SPATS2L: variants seen among roughly 807,000 people sequenced by gnomAD.
The protein encoded by SPATS2L is SPATS2-like protein.
A neutral mutation model predicts 59.6 loss-of-function variants in SPATS2L; 30 were observed. The ratio of observed to expected loss-of-function variants is 0.50; its 90% CI spans 0.38 to 0.68. SPATS2L has a LOEUF of 0.68. Ranked by LOEUF, SPATS2L falls within the 30% of genes least tolerant of loss-of-function variation. SPATS2L has a pLI of 0.00. For missense variants in SPATS2L, 615 were observed against 700.0 expected, an observed-to-expected ratio of 0.88 and a Z score of 1.37; for synonymous variants, 252 against 263.5, an observed-to-expected ratio of 0.96 and a Z score of 0.42.
intron 9 of SPATS2L, among the ~76,000 whole-genome samples, chr2:200,462,148 C>G (rs2086284405): frequency 2.0e-5 from 3 of 152,298 alleles, no homozygotes; most frequent in South Asian, 4.2e-4. Context: ...TGCTAACAAC[C>G]AACACAGACA....
chr2:200,439,096 A>G, intron 6 of SPATS2L, 26 bp from the exon 7 acceptor site: 1 of 1,589,044 alleles, frequency 6.3e-7, no homozygotes, highest in Non-Finnish European at 8.6e-7. Context: ...ATCACTTCAC[A>G]GTCATTATTT....
chr2:200,326,290 T>A (rs954556115), intron 1 of SPATS2L, among the ~76,000 whole-genome samples: 1 of 152,168 alleles, frequency 6.6e-6, no homozygotes, highest in Non-Finnish European at 1.5e-5. Flanking sequence ...TTCACTTTTT[T>A]AAGGCTGTTT....
At chr2:200,307,160 G>C (rs1028788498) in intron 1 of SPATS2L, among the ~76,000 whole-genome samples, 1 of 151,190 alleles carries the variant, frequency 6.6e-6, no homozygotes, top group Non-Finnish European at 1.5e-5. Flanking sequence ...GCCGGCGCGG[G>C]CAAGCGGGAG....
At chr2:200,409,276 A>G (rs1265134274) in intron 3 of SPATS2L, among the ~76,000 whole-genome samples, 1 of 152,168 alleles carries the variant, frequency 6.6e-6, no homozygotes, top group East Asian at 1.9e-4. Flanking sequence ...TTGGTTTCCA[A>G]CTGCAAAGGC....
At chr2:200,450,091 T>C (rs2085333862) in intron 8 of SPATS2L, among the ~76,000 whole-genome samples, 1 of 152,246 alleles carries the variant, frequency 6.6e-6, no homozygotes, top group Non-Finnish European at 1.5e-5. Context: ...AAATCTCATC[T>C]CTACATATTC....
chr2:200,411,714 T>G (rs1412374779), intron 3 of SPATS2L, among the ~76,000 whole-genome samples: 1 of 152,230 alleles, frequency 6.6e-6, no homozygotes, highest in Non-Finnish European at 1.5e-5. Flanking sequence ...ATATATGTAT[T>G]TACTATTTTC....
intron 3 of SPATS2L, among the ~76,000 whole-genome samples, chr2:200,403,922 C>G (rs377493576): frequency 9.2e-5 from 14 of 152,224 alleles, no homozygotes; most frequent in African/African-American, 2.4e-4. Context: ...CTAAAACTCT[C>G]ACGCAGAGGA....
chr2:200,436,504 C>G (rs1455389432), intron 6 of SPATS2L, among the ~76,000 whole-genome samples: 1 of 152,108 alleles, frequency 6.6e-6, no homozygotes, highest in Non-Finnish European at 1.5e-5. Flanking sequence ...AAAAAAATCT[C>G]TACTCACATT....
intron 8 of SPATS2L, among the ~76,000 whole-genome samples, chr2:200,456,003 C>T (rs906454620): frequency 2.6e-5 from 4 of 152,218 alleles, no homozygotes; most frequent in African/African-American, 9.6e-5. Flanking sequence ...GCTGGCTCCT[C>T]ACTGTCTGAC....
At chr2:200,455,131 C>G (rs942918612) in intron 8 of SPATS2L, among the ~76,000 whole-genome samples, 6 of 152,258 alleles carry the variant, frequency 3.9e-5, no homozygotes, top group Admixed American at 6.5e-5. Context: ...ATGCAAGCAC[C>G]ACAATGTACT....
chr2:200,471,777 C>G (rs2087062071), intron 11 of SPATS2L, among the ~76,000 whole-genome samples: 1 of 152,164 alleles, frequency 6.6e-6, no homozygotes, highest in African/African-American at 2.4e-5. Context: ...CCTGGCCTTT[C>G]CATTTCTCCT....
Position 200,382,357 on chromosome 2 carries a change from G to A in SPATS2L, c.-22-6866G>A, listed in dbSNP as rs1041035606. ...CCCAAAATGCTGGGATTATAGGAGT[G>A]AGCCATCTCACCCAGCCAAAAATAG... On this transcript the variant is annotated intron_variant, in intron 2 of 12. Transcript: ENST00000409140. 2.6e-5 allele frequency among the ~76,000 whole-genome samples: 4 copies of A among 152,170 alleles called. No homozygotes were observed. In the East Asian group the frequency reaches 5.8e-4, roughly 22 times the overall value.
chr2:200,469,862 C>G, intron 10 of SPATS2L, 52 bp from the exon 11 acceptor site: 1 of 1,445,798 alleles, frequency 6.9e-7, no homozygotes, highest in East Asian at 2.4e-5. Context: ...ACGGGGGTGC[C>G]TTGGTCATTT....
At chr2:200,374,452 C>T (rs1410247274) in intron 2 of SPATS2L, among the ~76,000 whole-genome samples, 1 of 152,096 alleles carries the variant, frequency 6.6e-6, no homozygotes, top group Non-Finnish European at 1.5e-5. Flanking sequence ...TGGTTGTAGT[C>T]ATTTCAGAAT....
At chr2:200,389,142 T>TC in intron 2 of SPATS2L, 81 bp from the exon 3 acceptor site, 2 of 827,652 alleles carry the variant, frequency 2.4e-6, no homozygotes, top group Non-Finnish European at 3.9e-6. Flanking sequence ...AATGAAGTTG[T>TC]TTACTGTGTT....
At chr2:200,341,776 G>A (rs1367225072) in intron 2 of SPATS2L, among the ~76,000 whole-genome samples, 11 of 149,928 alleles carry the variant, frequency 7.3e-5, no homozygotes, top group Admixed American at 2.0e-4. Context: ...TGCAACCTCC[G>A]CCTCCTGGGT....
At chr2:200,321,447 T>C (rs1256596841) in intron 1 of SPATS2L, among the ~76,000 whole-genome samples, 1 of 152,240 alleles carries the variant, frequency 6.6e-6, no homozygotes, top group Non-Finnish European at 1.5e-5. Flanking sequence ...TCTTGGACCA[T>C]AGCATATGCT....
chr2:200,436,431 G>A (rs2084297501), intron 6 of SPATS2L, among the ~76,000 whole-genome samples: 1 of 152,128 alleles, frequency 6.6e-6, no homozygotes. Context: ...ATATGTACAA[G>A]TGGTCTTGAA....
At chr2:200,309,126 T>C (rs1177402610) in intron 1 of SPATS2L, 2 of 717,636 alleles carry the variant, frequency 2.8e-6, no homozygotes, top group Non-Finnish European at 5.2e-6. Flanking sequence ...AGTTAAGCTT[T>C]AGAAATATCT....
Sources: gnomAD v4.1 joint callset for allele counts (sites outside exome capture counted in the v4.1 genomes callset) on GRCh38, gnomAD v4.1.1 for gene constraint, MANE v1.5 for transcripts, NCBI Gene and HGNC (gene_info 2026-07-23, HGNC 2026-07-21) for gene names.